Variants in HDAC7 observed in about 807,000 individuals in gnomAD.
HDAC7 encodes histone deacetylase 7, also known as histone deacetylase 7A.
Under a neutral mutation model 115.5 loss-of-function variants are expected in HDAC7, and 26 were observed. The observed-to-expected ratio is 0.23, with a 90% CI of 0.16 to 0.31. HDAC7 has a LOEUF of 0.31. HDAC7 is among the 10% of genes least tolerant of loss of function. HDAC7 has a pLI of 1.00. For missense variants in HDAC7, 1,068 were observed against 1,329.0 expected (o/e 0.80, Z 3.05); for synonymous variants, 564 against 550.9 (o/e 1.02, Z -0.33).
intron 1 of HDAC7, among the ~76,000 whole-genome samples, chr12:47,805,817 C>A (rs1944378022): frequency 6.6e-6 from 1 of 152,194 alleles, no homozygotes; most frequent in African/African-American, 2.4e-5. Context: ...CAGACCAGTA[C>A]AGGGGAAACC....
intron 22 of HDAC7, 53 bp from the exon 23 acceptor site, chr12:47,785,938 G>T (rs1293731453): frequency 1.5e-5 from 22 of 1,507,726 alleles, no homozygotes; most frequent in Non-Finnish European, 1.9e-5. Context: ...AGGTGACCCT[G>T]TTCTCTACCC....
Position 47,795,167 on chromosome 12 carries a change from TGC to T in HDAC7, c.1284+15_1284+16del, listed in dbSNP as rs1464549504. 1.2e-6 allele frequency: 2 copies of T among 1,601,416 alleles called. No individual in the cohort carries two copies. The highest frequency in any genetic ancestry group is 1.7e-6 in the Non-Finnish European group (2 of 1,170,986). On this transcript the variant is annotated intron_variant, in intron 11 of 25. Transcript: ENST00000080059. The surrounding 1 kb of genome is among the most constrained non-coding windows in gnomAD (Gnocchi z 4.3). Reference sequence around the variant, plus strand: ...TTAAACACTCCCTCAATACCTCCACTGCCCAATTCCTCTCACCTTGATCACCT... The same window carrying T: ...TTAAACACTCCCTCAATACCTCCACTCCAATTCCTCTCACCTTGATCACCT...
In HDAC7 at chr12:47,802,990, T is replaced by C. The variant is rs557523744; in HGVS notation, c.20-716A>G. ...CCTCAGAGAAGGGACCTACTCAGCCTCTTTCCCAGATAATCTGAGATAGAA... is the reference window on the plus strand; with the variant it reads ...CCTCAGAGAAGGGACCTACTCAGCCCCTTTCCCAGATAATCTGAGATAGAA... On this transcript the variant is annotated intron_variant, in intron 1 of 25. Coordinates refer to ENST00000080059, the MANE Select transcript of HDAC7 (RefSeq NM_015401.5). 2.2e-4 allele frequency among the ~76,000 whole-genome samples: 34 copies of C among 152,338 alleles called. No individual in the cohort carries two copies. In the South Asian group the frequency reaches 6.6e-3, roughly 30 times the overall value.
In HDAC7 at chr12:47,791,246, T is replaced by A; in HGVS notation, c.1983+13A>T. On this transcript the variant is annotated intron_variant, in intron 16 of 25. Transcript: ENST00000080059. Reference sequence around the variant, plus strand: ...CCTGGCAACGCCCCCCTGAGACCCCTGGGCACACTTACCCCAACCCCACCA... The same window carrying A: ...CCTGGCAACGCCCCCCTGAGACCCCAGGGCACACTTACCCCAACCCCACCA... 1 of 1,595,440 alleles carries A rather than the reference T, an allele frequency of 6.3e-7. No individual in the cohort carries two copies. The highest frequency in any genetic ancestry group is 8.5e-7 in the Non-Finnish European group (1 of 1,171,200).
At chr12:47,806,774 C>T (rs1944422797) in intron 1 of HDAC7, among the ~76,000 whole-genome samples, 1 of 152,170 alleles carries the variant, frequency 6.6e-6, no homozygotes, top group Non-Finnish European at 1.5e-5. Context: ...ATGCACCCAG[C>T]ACATGGTGGG....
intron 1 of HDAC7, 83 bp from the exon 2 acceptor site, chr12:47,802,357 T>C: frequency 6.5e-7 from 1 of 1,535,000 alleles, no homozygotes. Flanking sequence ...AAGCCAGGCC[T>C]GCTCCCTGCC....
At chr12:47,789,634 T>C in intron 17 of HDAC7, 56 bp from the exon 18 acceptor site, 1 of 1,582,256 alleles carries the variant, frequency 6.3e-7, no homozygotes, top group South Asian at 1.1e-5. Flanking sequence ...CACAGCTGCA[T>C]GAACGTACCC....
chr12:47,809,862 C>T (rs1321668081), intron 1 of HDAC7, among the ~76,000 whole-genome samples: 1 of 152,210 alleles, frequency 6.6e-6, no homozygotes, highest in African/African-American at 2.4e-5. Context: ...TGAGCCACCA[C>T]ACCAGGCCCC....
At position 47,798,705 on chromosome 12, in the gene HDAC7, T is replaced by C. The variant is rs1329975193; in HGVS notation, c.259-53A>G. 3.2e-6 allele frequency: 5 copies of C among 1,578,548 alleles called. No homozygotes were observed. Among genetic ancestry groups the C allele is most frequent in the Middle Eastern group, 3.3e-4 (2 of 6,046 alleles). The stretch of plus-strand genomic sequence containing the variant: ...GGGACAAGGAGTTGAGGACTGAGAC[T>C]GGTGTCTAGGGATGCTGAAGGCGGG... On this transcript the variant is annotated intron_variant, in intron 3 of 25. Coordinates refer to ENST00000080059, the MANE Select transcript of HDAC7 (RefSeq NM_015401.5). The surrounding 1 kb of genome is among the most constrained non-coding windows in gnomAD (Gnocchi z 4.3).
chr12:47,793,684 C>T lies in HDAC7; in HGVS notation c.1459-96G>A. On this transcript the variant is annotated intron_variant, in intron 12 of 25. Coordinates refer to ENST00000080059, the MANE Select transcript of HDAC7 (RefSeq NM_015401.5). The surrounding 1 kb of genome is among the most constrained non-coding windows in gnomAD (Gnocchi z 4.5). ...TGGGAACTGCCAAGCAGGCCCCTTT[C>T]CTAGAGAGATTCCAGGATAAACCTA... The T allele has an allele frequency of 1.1e-6, 1 of 939,222 alleles. No individual in the cohort carries two copies. Among genetic ancestry groups the T allele is most frequent in the Non-Finnish European group, 1.5e-6 (1 of 646,682 alleles). 58.2% of individuals were successfully genotyped at this position (939,222 alleles called of 1,614,324 possible).
At chr12:47,810,099 A>T (rs1267536700) in intron 1 of HDAC7, among the ~76,000 whole-genome samples, 1 of 152,118 alleles carries the variant, frequency 6.6e-6, no homozygotes, top group Non-Finnish European at 1.5e-5. Context: ...GGTGCAAGCC[A>T]CCATGCCCAG....
In HDAC7 at chr12:47,792,356, G is replaced by T; in HGVS notation, c.1679-352C>A. On this transcript the variant is annotated intron_variant, in intron 13 of 25. Transcript: ENST00000080059. ...CAGGCCCTCAAGTGCTCAGAGCAAAGCATGAGGCCTAACGTACAGCATCTC... is the reference window on the plus strand; with the variant it reads ...CAGGCCCTCAAGTGCTCAGAGCAAATCATGAGGCCTAACGTACAGCATCTC... 7.7e-6 allele frequency: 3 copies of T among 387,432 alleles called. No individual in the cohort carries two copies. The South Asian group carries it at 7.9e-5, about 10-fold the overall frequency. 24.0% of individuals were successfully genotyped at this position (387,432 alleles called of 1,614,324 possible). A position where few individuals can be genotyped will look rare whatever the true frequency, so the allele number is the denominator to read the frequency against.
intron 1 of HDAC7, among the ~76,000 whole-genome samples, chr12:47,808,626 A>T (rs764431983): frequency 6.6e-6 from 1 of 151,808 alleles, no homozygotes; most frequent in Non-Finnish European, 1.5e-5. Flanking sequence ...GCCCTGTCCA[A>T]CTCCCGGGAC....
At chr12:47,806,943 CTCT>C (rs1284908326) in intron 1 of HDAC7, among the ~76,000 whole-genome samples, 2 of 147,860 alleles carry the variant, frequency 1.4e-5, no homozygotes, top group Non-Finnish European at 3.0e-5. Context: ...CTCTCTCTCT[CTCT>C]TTTTTTTTTT....
rs150262999 is a variant in HDAC7 at position 47,789,674 on chromosome 12, G to A, written c.2092-96C>T. Reference sequence around the variant, plus strand: ...AGTTCCAATCTCAACCTGGTTCCCAGAGCCCTCAATTTCCCCTCCAAAACC... The same window carrying A: ...AGTTCCAATCTCAACCTGGTTCCCAAAGCCCTCAATTTCCCCTCCAAAACC... On this transcript the variant is annotated intron_variant, in intron 17 of 25. Coordinates refer to ENST00000080059, the MANE Select transcript of HDAC7 (RefSeq NM_015401.5). 3,187 of 1,483,002 alleles carry A rather than the reference G, an allele frequency of 2.1e-3. 14 individuals are homozygous for A. The highest frequency in any genetic ancestry group is 8.3e-3 in the Middle Eastern group (48 of 5,812). 91.9% of individuals were successfully genotyped at this position (1,483,002 alleles called of 1,614,324 possible).
Position 47,791,883 on chromosome 12 carries a change from C to T in HDAC7, c.1800G>A (p.Arg600=). ...IWSRLQERGL[R]SQCECLRGRK... The stretch of plus-strand genomic sequence containing the variant: ...CGCGCCTCCTCACCTCACACTGGCT[C>T]CGGAGCCCCCGCTCCTGCAGCCGGG... Residue 600 remains arginine, a synonymous_variant, in exon 14 of 26, where the codon CGG becomes CGA. Coordinates refer to ENST00000080059, the MANE Select transcript of HDAC7 (RefSeq NM_015401.5). The T allele has an allele frequency of 6.2e-7, 1 of 1,610,736 alleles. No individual in the cohort carries two copies. The highest frequency in any genetic ancestry group is 8.5e-7 in the Non-Finnish European group (1 of 1,179,250).
At chr12:47,789,613 C>T (rs747050885) in intron 17 of HDAC7, 35 bp from the exon 18 acceptor site, 4 of 1,610,698 alleles carry the variant, frequency 2.5e-6, no homozygotes, top group Admixed American at 3.3e-5. Context: ...AATCAACAGA[C>T]AGCTCTGACC....
At chr12:47,799,079 A>C in intron 2 of HDAC7, 107 bp from the exon 3 acceptor site, 1 of 730,286 alleles carries the variant, frequency 1.4e-6, no homozygotes, top group Non-Finnish European at 2.2e-6. Context: ...ACAATGGCAA[A>C]ACACTCTCAT....
chr12:47,796,115 C>T, intron 8 of HDAC7, 92 bp downstream of exon 8: 1 of 1,513,452 alleles, frequency 6.6e-7, no homozygotes, highest in Non-Finnish European at 9.0e-7. Context: ...GCTGCCCAGA[C>T]CCTGCAGCCC....
Sources: gnomAD v4.1 joint callset for allele counts (sites outside exome capture counted in the v4.1 genomes callset) on GRCh38, gnomAD v4.1.1 for gene constraint, Gnocchi (gnomAD v3.1) non-coding constraint, MANE v1.5 for transcripts, NCBI Gene and HGNC (gene_info 2026-07-23, HGNC 2026-07-21) for gene names.